The following SND1 variants were observed in gnomAD, a reference collection of about 807,000 sequenced individuals.
The protein encoded by SND1 is staphylococcal nuclease and tudor domain containing 1.
Under a neutral mutation model 121.7 loss-of-function variants are expected in SND1, and 38 were observed. The observed-to-expected ratio is 0.31, with a 90% CI of 0.24 to 0.41. The LOEUF (loss-of-function observed/expected upper bound fraction) is 0.41, where lower values mean the gene tolerates loss of function less well. SND1 is among the 10% of genes least tolerant of loss of function. The pLI is 1.00. For synonymous variants in SND1, 401 were observed against 447.4 expected (o/e 0.90, Z 1.31); for missense variants, 868 against 1,184.6 (o/e 0.73, Z 3.92).
At position 127,882,756 on chromosome 7, in the gene SND1, G is replaced by A. The variant is rs551767205; in HGVS notation, c.1344-5146G>A. Among the ~76,000 whole-genome samples the A allele has an allele frequency of 3.3e-5, 5 of 152,294 alleles. No homozygotes were observed. In the South Asian group the frequency reaches 1.0e-3, roughly 32 times the overall value. The stretch of plus-strand genomic sequence containing the variant: ...ATGGCTCAGAACCTGACACTACTGA[G>A]TTGATCAGTTGCCCAGTAAGAAAAG... On this transcript the variant is annotated intron_variant, in intron 12 of 23. Coordinates refer to ENST00000354725, the MANE Select transcript of SND1 (RefSeq NM_014390.4).
chr7:127,748,048 G>T (rs1797012473), intron 10 of SND1, among the ~76,000 whole-genome samples: 1 of 152,096 alleles, frequency 6.6e-6, no homozygotes, highest in South Asian at 2.1e-4. Context: ...TTTATGTTTG[G>T]TTACCAACTG....
At chr7:127,839,763 C>T (rs1028840074) in intron 11 of SND1, among the ~76,000 whole-genome samples, 6 of 152,138 alleles carry the variant, frequency 3.9e-5, no homozygotes, top group African/African-American at 1.4e-4. Context: ...CCTTTGAGAA[C>T]CTCTTTGAGG....
rs556844938 is a variant in SND1 at position 128,026,240 on chromosome 7, G to A, written c.1779+35184G>A. ...CTGCAGTTTTCTTTCTTTTTATTGG[G>A]GGTATGGTGATAAAGGAGAGGCAGG... On this transcript the variant is annotated intron_variant, in intron 16 of 23. Transcript: ENST00000354725. Among the ~76,000 whole-genome samples, 3 of 152,242 alleles carry A rather than the reference G, an allele frequency of 2.0e-5. No individual in the cohort carries two copies. In the East Asian group the frequency reaches 5.8e-4, roughly 29 times the overall value.
At chr7:128,084,700 C>T in intron 18 of SND1, 24 bp from the exon 19 acceptor site, 1 of 1,596,654 alleles carries the variant, frequency 6.3e-7, no homozygotes, top group South Asian at 1.1e-5. Context: ...ACCCAGGTCT[C>T]ACTGTGCTCT....
At chr7:127,782,074 G>A (rs1797734253) in intron 10 of SND1, among the ~76,000 whole-genome samples, 3 of 152,154 alleles carry the variant, frequency 2.0e-5, no homozygotes, top group African/African-American at 4.8e-5. Context: ...CTTTGAGGAG[G>A]CAGAGAATAG....
At position 127,703,160 on chromosome 7, in the gene SND1, T is replaced by G. The variant is rs756249127; in HGVS notation, c.682-5T>G. The G allele has an allele frequency of 4.3e-6, 7 of 1,614,118 alleles. No individual in the cohort carries two copies. The South Asian group carries it at 4.4e-5, about 10-fold the overall frequency. On this transcript the variant is annotated splice_region_variant and splice_polypyrimidine_tract_variant and intron_variant, in intron 6 of 23. Transcript: ENST00000354725. Reference sequence around the variant, plus strand: ...CATTACTCACCTACCTTGCCTTTGCTTTAGTGCCCAACTTTTCGACGGGAA... The same window carrying G: ...CATTACTCACCTACCTTGCCTTTGCGTTAGTGCCCAACTTTTCGACGGGAA...
At chr7:127,837,411 T>C (rs1291734132) in intron 11 of SND1, among the ~76,000 whole-genome samples, 1 of 152,262 alleles carries the variant, frequency 6.6e-6, no homozygotes, top group Non-Finnish European at 1.5e-5. Flanking sequence ...CATATTAAAA[T>C]TAATTTCACT....
intron 13 of SND1, among the ~76,000 whole-genome samples, chr7:127,893,121 G>A (rs781522306): frequency 1.2e-4 from 18 of 152,010 alleles, no homozygotes; most frequent in African/African-American, 4.1e-4. Context: ...AGTCATTACC[G>A]GGACCCTTTT....
At chr7:127,920,762 T>A (rs1333655764) in intron 14 of SND1, among the ~76,000 whole-genome samples, 2 of 151,228 alleles carry the variant, frequency 1.3e-5, no homozygotes, top group Non-Finnish European at 2.9e-5. Flanking sequence ...ATGTGCTTGA[T>A]ACTTTATCCT....
intron 11 of SND1, among the ~76,000 whole-genome samples, chr7:127,836,428 A>AG (rs1798869910): frequency 6.6e-6 from 1 of 152,168 alleles, no homozygotes; most frequent in African/African-American, 2.4e-5. Context: ...ATGATTTGGA[A>AG]GGGGGTGTTA....
chr7:127,947,904 A>C (rs1030645007), intron 15 of SND1, among the ~76,000 whole-genome samples: 1 of 152,088 alleles, frequency 6.6e-6, no homozygotes, highest in Non-Finnish European at 1.5e-5. Context: ...GATGACAAGC[A>C]TTGTGCCAAT....
At position 128,015,958 on chromosome 7, in the gene SND1, A is replaced by C. The variant is rs1803215446; in HGVS notation, c.1779+24902A>C. On this transcript the variant is annotated intron_variant, in intron 16 of 23. Coordinates refer to ENST00000354725, the MANE Select transcript of SND1 (RefSeq NM_014390.4). This position sits in a 1 kb window ranked among gnomAD's most constrained non-coding sequence, Gnocchi z 4.5. ...ATGTAAATACATTATTTGTATTTAC[A>C]TTTGGGTCATCTGCAAACCAAAGCG... Among the ~76,000 whole-genome samples the C allele has an allele frequency of 6.6e-6, 1 of 152,158 alleles. No individual in the cohort carries two copies. The highest frequency in any genetic ancestry group is 6.5e-5 in the Admixed American group (1 of 15,282).
chr7:128,012,764 A>C (rs568132188), intron 16 of SND1, among the ~76,000 whole-genome samples: 1 of 152,286 alleles, frequency 6.6e-6, no homozygotes, highest in African/African-American at 2.4e-5. Flanking sequence ...TCAGGACCCT[A>C]GCTGAGCACC....
chr7:127,863,448 A>G (rs1043176208), intron 12 of SND1, among the ~76,000 whole-genome samples: 1 of 152,210 alleles, frequency 6.6e-6, no homozygotes, highest in Non-Finnish European at 1.5e-5. Flanking sequence ...TCAAAAAAAA[A>G]TTATTGCTTA....
chr7:127,881,712 C>T (rs929304342), intron 12 of SND1, among the ~76,000 whole-genome samples: 1 of 152,062 alleles, frequency 6.6e-6, no homozygotes, highest in Non-Finnish European at 1.5e-5. Context: ...GGAAAGTTAG[C>T]GGTGGTTGGT....
chr7:128,037,893 A>G (rs986238041), intron 16 of SND1, among the ~76,000 whole-genome samples: 7 of 152,186 alleles, frequency 4.6e-5, no homozygotes, highest in Non-Finnish European at 1.0e-4. Flanking sequence ...TTTTATCCCA[A>G]AGATATTGGA....
chr7:127,907,335 G>A (rs1800361250), intron 14 of SND1, among the ~76,000 whole-genome samples: 1 of 152,196 alleles, frequency 6.6e-6, no homozygotes, highest in Non-Finnish European at 1.5e-5. Context: ...GAAGCATGCT[G>A]GCAATTTTGC....
At chr7:127,914,791 T>C (rs1486931824) in intron 14 of SND1, among the ~76,000 whole-genome samples, 1 of 152,196 alleles carries the variant, frequency 6.6e-6, no homozygotes, top group Non-Finnish European at 1.5e-5. Flanking sequence ...TAGCACTGGC[T>C]CTAACATTAG....
Position 128,091,696 on chromosome 7 carries a change from T to C in SND1, c.2623-141T>C, listed in dbSNP as rs905420708. The C allele has an allele frequency of 6.0e-6, 5 of 837,326 alleles. No homozygotes were observed. In the African/African-American group the frequency reaches 6.7e-5, roughly 11 times the overall value. The allele number at this position is 837,326 out of a possible 1,614,324, so 51.9% of individuals were successfully genotyped here. Reference sequence around the variant, plus strand: ...ACTAATGTGATTGTGTTTTCCGTTTTACTCTGAGGGAACTAAGGCTCCATT... The same window carrying C: ...ACTAATGTGATTGTGTTTTCCGTTTCACTCTGAGGGAACTAAGGCTCCATT... On this transcript the variant is annotated intron_variant, in intron 22 of 23. Transcript: ENST00000354725.
Sources: allele counts gnomAD v4.1 joint callset (sites outside exome capture counted in the v4.1 genomes callset), GRCh38; gene constraint gnomAD v4.1.1; non-coding constraint Gnocchi (gnomAD v3.1); transcripts MANE v1.5; gene names NCBI Gene and HGNC (gene_info 2026-07-23, HGNC 2026-07-21).